DNAJC1: variants seen among roughly 807,000 people sequenced by gnomAD.
DNAJC1 encodes dnaJ homolog subfamily C member 1.
In DNAJC1, 58 loss-of-function variants were observed where a neutral mutation model predicts 76.6. The observed-to-expected ratio is 0.76, with a 90% CI of 0.61 to 0.94. The LOEUF (loss-of-function observed/expected upper bound fraction) is 0.94. Among genes scored for constraint, DNAJC1 ranks in the 40% least tolerant of loss-of-function variants. The probability of loss-of-function intolerance (pLI) is 0.00; values close to 1 mark genes in which losing one functional copy is unlikely to be tolerated. For synonymous variants in DNAJC1, 258 were observed against 267.9 expected (o/e 0.96, Z 0.36); for missense variants, 689 against 677.3 (o/e 1.02, Z -0.19).
At chr10:21,955,449 A>G (rs1837662672) in intron 1 of DNAJC1, among the ~76,000 whole-genome samples, 1 of 152,152 alleles carries the variant, frequency 6.6e-6, no homozygotes, top group African/African-American at 2.4e-5. Flanking sequence ...ACCTCTGACA[A>G]ATGGGACTGA....
rs202043768 is a variant in DNAJC1, at chr10:21,759,623, G to C, written c.1148-5C>G. The C allele has an allele frequency of 4.2e-5, 67 of 1,610,876 alleles. No individual in the cohort carries two copies. The highest frequency in any genetic ancestry group is 5.4e-5 in the Non-Finnish European group (64 of 1,178,114). On this transcript the variant is annotated splice_region_variant and splice_polypyrimidine_tract_variant and intron_variant, in intron 10 of 11. Transcript: ENST00000376980. The stretch of plus-strand genomic sequence containing the variant: ...GTTCGGAGAGTCTAACCATTCCTAG[G>C]AAAGAGGGTGTGCCACACAGAGGTG...
At chr10:22,000,600 A>G (rs946993165) in intron 1 of DNAJC1, among the ~76,000 whole-genome samples, 3 of 152,112 alleles carry the variant, frequency 2.0e-5, no homozygotes, top group Non-Finnish European at 4.4e-5. Context: ...ATGTCCTTCT[A>G]CCATGCTATG....
At chr10:21,812,827 A>G (rs529912556) in intron 8 of DNAJC1, among the ~76,000 whole-genome samples, 20 of 151,988 alleles carry the variant, frequency 1.3e-4, no homozygotes, top group Non-Finnish European at 2.6e-4. Context: ...TCAGCAAACT[A>G]TGGTGTTAAC....
intron 9 of DNAJC1, among the ~76,000 whole-genome samples, chr10:21,795,364 C>T (rs1022667911): frequency 5.9e-5 from 9 of 152,156 alleles, no homozygotes; most frequent in East Asian, 1.9e-4. Flanking sequence ...AAATACCTTT[C>T]GCCAAGTGAA....
chr10:21,761,331 G>C (rs1190231434), intron 10 of DNAJC1, among the ~76,000 whole-genome samples: 2 of 152,064 alleles, frequency 1.3e-5, no homozygotes, highest in African/African-American at 4.8e-5. Flanking sequence ...GGCCAAGGCA[G>C]GGGGGATCCC....
At chr10:21,793,484 A>G (rs557803379) in intron 9 of DNAJC1, among the ~76,000 whole-genome samples, 1 of 152,322 alleles carries the variant, frequency 6.6e-6, no homozygotes, top group Non-Finnish European at 1.5e-5. Context: ...ATATTAAGTA[A>G]ATAAATGGAC....
chr10:21,837,777 G>A (rs1433839274), intron 8 of DNAJC1, among the ~76,000 whole-genome samples: 3 of 149,866 alleles, frequency 2.0e-5, no homozygotes, highest in African/African-American at 7.4e-5. Context: ...CCAGGAGGGA[G>A]GTAGGGGGCA....
chr10:21,757,131 A>G (rs1321121399), intron 11 of DNAJC1, among the ~76,000 whole-genome samples: 1 of 152,236 alleles, frequency 6.6e-6, no homozygotes, highest in Non-Finnish European at 1.5e-5. Flanking sequence ...CAGGTAGCCT[A>G]TTAGTCTTCT....
At chr10:21,863,683 G>A (rs1409378736) in intron 8 of DNAJC1, among the ~76,000 whole-genome samples, 1 of 152,052 alleles carries the variant, frequency 6.6e-6, no homozygotes, top group Admixed American at 6.5e-5. Flanking sequence ...TTCAAGTCTG[G>A]TTTAGGATTT....
intron 1 of DNAJC1, among the ~76,000 whole-genome samples, chr10:21,972,783 A>G (rs1838001066): frequency 6.6e-6 from 1 of 152,070 alleles, no homozygotes; most frequent in South Asian, 2.1e-4. Context: ...TGCCCTAACT[A>G]CTACTGGAGG....
intron 1 of DNAJC1, among the ~76,000 whole-genome samples, chr10:21,968,144 T>A (rs1406008391): frequency 6.6e-6 from 1 of 152,206 alleles, no homozygotes; most frequent in Non-Finnish European, 1.5e-5. Context: ...TTATTTACAT[T>A]TATCAGTATC....
intron 1 of DNAJC1, among the ~76,000 whole-genome samples, chr10:21,959,495 C>T (rs2859622): frequency 0.77 from 117,645 of 152,034 alleles, 46,388 homozygotes; most frequent in East Asian, 0.99. Flanking sequence ...TTTTAAAACA[C>T]TGATGAGAAA....
intron 10 of DNAJC1, among the ~76,000 whole-genome samples, chr10:21,765,683 A>G (rs1834291916): frequency 6.6e-6 from 1 of 152,134 alleles, no homozygotes; most frequent in Non-Finnish European, 1.5e-5. Flanking sequence ...GGTCTCTACT[A>G]AAAATACAAA....
intron 1 of DNAJC1, among the ~76,000 whole-genome samples, chr10:21,929,490 G>A (rs1837186082): frequency 1.3e-5 from 2 of 151,994 alleles, no homozygotes; most frequent in Admixed American, 6.6e-5. Context: ...TTAATACATC[G>A]GTGTGCCTTC....
At chr10:21,801,600 A>G (rs933013446) in intron 9 of DNAJC1, among the ~76,000 whole-genome samples, 1 of 152,204 alleles carries the variant, frequency 6.6e-6, no homozygotes, top group Non-Finnish European at 1.5e-5. Context: ...CTAAAAGCAG[A>G]ACTACCCTTT....
intron 6 of DNAJC1, among the ~76,000 whole-genome samples, chr10:21,909,907 A>G (rs1836826921): frequency 1.3e-5 from 2 of 152,248 alleles, no homozygotes; most frequent in Non-Finnish European, 2.9e-5. Context: ...CATGAGGCAT[A>G]TGCCAGAAAC....
chr10:21,995,412 G>A (rs1488209668), intron 1 of DNAJC1, among the ~76,000 whole-genome samples: 1 of 152,146 alleles, frequency 6.6e-6, no homozygotes, highest in East Asian at 1.9e-4. Context: ...TCTATAACCA[G>A]GAGTTGTATG....
intron 9 of DNAJC1, among the ~76,000 whole-genome samples, chr10:21,791,682 C>A (rs1834690450): frequency 6.6e-6 from 1 of 152,048 alleles, no homozygotes; most frequent in Non-Finnish European, 1.5e-5. Context: ...TAAAAACATT[C>A]TTGAAACAAA....
chr10:21,903,165 C>T (rs1250808219), intron 7 of DNAJC1, among the ~76,000 whole-genome samples: 3 of 152,030 alleles, frequency 2.0e-5, no homozygotes, highest in African/African-American at 7.3e-5. Context: ...GTGATCCGCC[C>T]GCCTCGGCCT....
Sources: gnomAD v4.1 joint callset for allele counts (sites outside exome capture counted in the v4.1 genomes callset) on GRCh38, gnomAD v4.1.1 for gene constraint, MANE v1.5 for transcripts, NCBI Gene and HGNC (gene_info 2026-07-23, HGNC 2026-07-21) for gene names.